Variants in KCNJ6 observed in about 807,000 individuals in gnomAD.
KCNJ6 encodes potassium inwardly rectifying channel subfamily J member 6.
Under a neutral mutation model 34.2 loss-of-function variants are expected in KCNJ6, and 9 were observed. The observed-to-expected ratio is 0.26, with a 90% CI of 0.16 to 0.46. The LOEUF (loss-of-function observed/expected upper bound fraction) is 0.46. Among genes scored for constraint, KCNJ6 ranks in the 20% least tolerant of loss-of-function variants. KCNJ6 has a pLI of 1.00. For synonymous variants in KCNJ6, 196 were observed against 207.1 expected (o/e 0.95, Z 0.46); for missense variants, 236 against 531.3 (o/e 0.44, Z 5.46).
intron 2 of KCNJ6, among the ~76,000 whole-genome samples, chr21:37,773,556 T>C (rs1271540653): frequency 6.6e-6 from 1 of 152,144 alleles, no homozygotes; most frequent in Non-Finnish European, 1.5e-5. Flanking sequence ...CGCATCCATG[T>C]TAAAGTGGGT....
Position 37,614,963 on chromosome 21 carries a change from C to G in KCNJ6, c.*10196G>C, listed in dbSNP as rs914325938. 1.3e-5 allele frequency: 2 copies of G among 152,180 alleles called. No homozygotes were observed. Among genetic ancestry groups the G allele is most frequent in the Non-Finnish European group, 2.9e-5 (2 of 68,046 alleles). The allele number at this position is 152,180 out of a possible 1,614,324, so 9.4% of individuals were successfully genotyped here. A position where few individuals can be genotyped will look rare whatever the true frequency, so the allele number is the denominator to read the frequency against. On this transcript the variant is annotated 3_prime_UTR_variant, in exon 4 of 4. Coordinates refer to ENST00000609713, the MANE Select transcript of KCNJ6 (RefSeq NM_002240.5). ...AGGAAAAAATCTCTATGAAGGTGCA[C>G]ACAGGGAGGAACCATGTGATAACAG... is the stretch of plus-strand genomic sequence containing the variant.
intron 1 of KCNJ6, among the ~76,000 whole-genome samples, chr21:37,885,987 C>A (rs1308014257): frequency 6.6e-6 from 1 of 152,056 alleles, no homozygotes; most frequent in Non-Finnish European, 1.5e-5. Context: ...ATGAATTGCA[C>A]CAAGGAGTCC....
chr21:37,662,297 G>A (rs1326397107), intron 3 of KCNJ6, among the ~76,000 whole-genome samples: 1 of 152,034 alleles, frequency 6.6e-6, no homozygotes, highest in East Asian at 1.9e-4. Flanking sequence ...TGTTCCCCTC[G>A]CTCTGTCCAT....
chr21:37,689,334 G>C (rs1601420685), intron 3 of KCNJ6, among the ~76,000 whole-genome samples: 1 of 62 alleles, frequency 0.016, no homozygotes, highest in Admixed American at 0.17. Context: ...CTGATGGAAT[G>C]GATAAAGAAG....
In KCNJ6 at chr21:37,614,830, GT is replaced by G. The variant is rs1290598956; in HGVS notation, c.*10328del. 6.0e-5 allele frequency: 9 copies of G among 150,730 alleles called. No homozygotes were observed. Among genetic ancestry groups the G allele is most frequent in the African/African-American group, 2.2e-4 (9 of 41,134 alleles). The allele number at this position is 150,730 out of a possible 1,614,324, so 9.3% of individuals were successfully genotyped here. On this transcript the variant is annotated 3_prime_UTR_variant, in exon 4 of 4. Transcript: ENST00000609713. ...TGTGTATTTGTGTGTATGTGTGTGT[GT>G]TATGTAGGGAGAGGGTGCTTATATT...
At chr21:37,894,810 T>C (rs1601520872) in intron 1 of KCNJ6, among the ~76,000 whole-genome samples, 1 of 152,220 alleles carries the variant, frequency 6.6e-6, no homozygotes, top group African/African-American at 2.4e-5. Context: ...AAAGCACCAA[T>C]GATACAAGCA....
intron 1 of KCNJ6, among the ~76,000 whole-genome samples, chr21:37,848,366 T>A (rs1388496077): frequency 6.6e-6 from 1 of 152,236 alleles, no homozygotes; most frequent in Non-Finnish European, 1.5e-5. Context: ...TCTAAAATAA[T>A]CTGAAATTTT....
intron 3 of KCNJ6, among the ~76,000 whole-genome samples, chr21:37,664,101 G>A (rs1192777148): frequency 6.6e-6 from 1 of 152,108 alleles, no homozygotes; most frequent in Non-Finnish European, 1.5e-5. Flanking sequence ...AAATAAAGTT[G>A]AATCTAAATA....
chr21:37,666,554 C>T (rs1163094532), intron 3 of KCNJ6, among the ~76,000 whole-genome samples: 1 of 152,166 alleles, frequency 6.6e-6, no homozygotes, highest in East Asian at 1.9e-4. Flanking sequence ...TACCCGGCCG[C>T]CACCCCGTCT....
intron 3 of KCNJ6, among the ~76,000 whole-genome samples, chr21:37,693,153 G>T (rs1227772819): frequency 6.6e-6 from 1 of 152,190 alleles, no homozygotes; most frequent in Admixed American, 6.5e-5. Flanking sequence ...CAGATGACCT[G>T]TTTAAATGTC....
chr21:37,730,661 A>G (rs377043825), intron 2 of KCNJ6, among the ~76,000 whole-genome samples: 14 of 152,346 alleles, frequency 9.2e-5, no homozygotes, highest in African/African-American at 3.4e-4. Flanking sequence ...GGGCAGACCC[A>G]TCTGGAAGCT....
intron 2 of KCNJ6, among the ~76,000 whole-genome samples, chr21:37,747,542 C>T (rs1010024090): frequency 2.6e-5 from 4 of 152,198 alleles, no homozygotes; most frequent in Non-Finnish European, 4.4e-5. Context: ...GTTAAGGTTG[C>T]TAATCAGCTG....
chr21:37,841,485 T>C lies in KCNJ6; in HGVS notation c.-27-776A>G, dbSNP rs142749927. Among the ~76,000 whole-genome samples the C allele has an allele frequency of 8.0e-3, 1,220 of 152,324 alleles. 9 individuals carry two copies. The highest frequency in any genetic ancestry group is 0.013 in the Non-Finnish European group (875 of 68,020). ...CTTTTTTTGTAGCCTTGTTTTTCTGTGAAACTAAAATATGTTCATTATTTA... is the reference window on the plus strand; with the variant it reads ...CTTTTTTTGTAGCCTTGTTTTTCTGCGAAACTAAAATATGTTCATTATTTA... On this transcript the variant is annotated intron_variant, in intron 1 of 3. Transcript: ENST00000609713.
In KCNJ6 at chr21:37,614,666, CTCTGTG is replaced by C. The variant is rs1020765671; in HGVS notation, c.*10487_*10492del. On this transcript the variant is annotated 3_prime_UTR_variant, in exon 4 of 4. Coordinates refer to ENST00000609713, the MANE Select transcript of KCNJ6 (RefSeq NM_002240.5). ...TATGCACGTGTGTGTATGCATGTGT[CTCTGTG>C]TATGCGTGTGTGTATGCATGTCTTG... 1.1e-4 allele frequency: 12 copies of C among 104,672 alleles called. No homozygotes were observed. The highest frequency in any genetic ancestry group is 7.8e-4 in the East Asian group (3 of 3,846). The allele number at this position is 104,672 out of a possible 1,614,324, so 6.5% of individuals were successfully genotyped here.
intron 2 of KCNJ6, among the ~76,000 whole-genome samples, chr21:37,744,145 C>T: frequency 8.0e-6 from 1 of 125,358 alleles, no homozygotes; most frequent in Non-Finnish European, 1.6e-5. Context: ...AGGAACATCA[C>T]ACACCGGGGA....
chr21:37,840,698 T>G lies in KCNJ6; in HGVS notation c.-16A>C. The G allele has an allele frequency of 6.3e-7, 1 of 1,587,548 alleles. No individual in the cohort carries two copies. On this transcript the variant is annotated 5_prime_UTR_variant, in exon 2 of 4. Coordinates refer to ENST00000609713, the MANE Select transcript of KCNJ6 (RefSeq NM_002240.5). Reference sequence around the variant, plus strand: ...GCTTGGCCATTGTTGCAGTTTCTTCTTTGTGCTTTTCCTGGAGGTGAGAAG... The same window carrying G: ...GCTTGGCCATTGTTGCAGTTTCTTCGTTGTGCTTTTCCTGGAGGTGAGAAG...
At chr21:37,911,838 T>C (rs2055868397) in intron 1 of KCNJ6, among the ~76,000 whole-genome samples, 1 of 152,224 alleles carries the variant, frequency 6.6e-6, no homozygotes, top group Non-Finnish European at 1.5e-5. Flanking sequence ...CAACATTTTC[T>C]ACCTGTGAAA....
At chr21:37,832,327 C>T (rs531683181) in intron 2 of KCNJ6, among the ~76,000 whole-genome samples, 16 of 151,438 alleles carry the variant, frequency 1.1e-4, no homozygotes, top group Non-Finnish European at 1.9e-4. Context: ...GCTTTTGTCC[C>T]GGGGGATAAA....
chr21:37,681,647 T>C (rs956375441), intron 3 of KCNJ6, among the ~76,000 whole-genome samples: 1 of 152,260 alleles, frequency 6.6e-6, no homozygotes, highest in African/African-American at 2.4e-5. Flanking sequence ...TCATAACTTT[T>C]CTTTCACGCT....
Sources: gnomAD v4.1 joint callset for allele counts (sites outside exome capture counted in the v4.1 genomes callset) on GRCh38, gnomAD v4.1.1 for gene constraint, MANE v1.5 for transcripts, NCBI Gene and HGNC (gene_info 2026-07-23, HGNC 2026-07-21) for gene names.